The following MGAT4C variants were observed in gnomAD, a reference collection of about 807,000 sequenced individuals.
The protein encoded by MGAT4C is alpha-1,3-mannosyl-glycoprotein 4-beta-N-acetylglucosaminyltransferase C.
Under a neutral mutation model 40.1 loss-of-function variants are expected in MGAT4C, and 19 were observed. That is an observed-to-expected ratio of 0.47 (90% CI 0.33 to 0.70). The LOEUF is 0.70. Ranked by LOEUF, MGAT4C falls within the 30% of genes least tolerant of loss-of-function variation. MGAT4C has a pLI of 0.02. For synonymous variants in MGAT4C, 181 were observed against 187.1 expected, an observed-to-expected ratio of 0.97 and a Z score of 0.27; for missense variants, 491 against 563.2, an observed-to-expected ratio of 0.87 and a Z score of 1.30.
At chr12:86,473,464 A>G (rs994791333) in intron 2 of MGAT4C, among the ~76,000 whole-genome samples, 3 of 152,194 alleles carry the variant, frequency 2.0e-5, no homozygotes, top group African/African-American at 4.8e-5. Context: ...CTAATAGCTA[A>G]AAGTTTACTC....
chr12:86,649,030 G>A (rs1963624331), intron 2 of MGAT4C, among the ~76,000 whole-genome samples: 2 of 151,702 alleles, frequency 1.3e-5, no homozygotes, highest in Admixed American at 6.6e-5. Context: ...AGTAAGCCCT[G>A]CTATATTTAT....
intron 1 of MGAT4C, among the ~76,000 whole-genome samples, chr12:86,077,602 A>G (rs1037198041): frequency 6.6e-6 from 1 of 152,188 alleles, no homozygotes; most frequent in Non-Finnish European, 1.5e-5. Context: ...TCTACTACCC[A>G]TTCTGAATAC....
intron 2 of MGAT4C, among the ~76,000 whole-genome samples, chr12:86,015,205 G>A (rs1192756266): frequency 6.6e-6 from 1 of 151,520 alleles, no homozygotes; most frequent in South Asian, 2.1e-4. Context: ...ATAATAATAA[G>A]GTTGGTGCAA....
At chr12:86,390,745 T>TA (rs145731111) in intron 3 of MGAT4C, among the ~76,000 whole-genome samples, 16,803 of 152,104 alleles carry the variant, frequency 0.11, 1,009 homozygotes, top group Middle Eastern at 0.23. Flanking sequence ...TAATTTGATT[T>TA]AAAAAAATGA....
chr12:86,496,095 T>C (rs940375044), intron 2 of MGAT4C, among the ~76,000 whole-genome samples: 1 of 151,998 alleles, frequency 6.6e-6, no homozygotes, highest in Admixed American at 6.6e-5. Flanking sequence ...ACTTACTGTC[T>C]CGGTGATTGT....
chr12:86,573,669 T>C (rs1960453851), intron 2 of MGAT4C, among the ~76,000 whole-genome samples: 1 of 152,014 alleles, frequency 6.6e-6, no homozygotes, highest in African/African-American at 2.4e-5. Context: ...TGGCAATTAG[T>C]ATGTGTTCAC....
At chr12:86,792,702 C>T (rs763885830) in intron 1 of MGAT4C, among the ~76,000 whole-genome samples, 35 of 152,036 alleles carry the variant, frequency 2.3e-4, no homozygotes, top group Non-Finnish European at 4.3e-4. Context: ...GAGGCCGAGG[C>T]GGGTGGATCA....
intron 1 of MGAT4C, among the ~76,000 whole-genome samples, chr12:86,060,459 T>C (rs1416759694): frequency 6.6e-6 from 1 of 152,144 alleles, no homozygotes; most frequent in Non-Finnish European, 1.5e-5. Context: ...TTTAGTCGTA[T>C]CATGATACAA....
intron 2 of MGAT4C, among the ~76,000 whole-genome samples, chr12:86,561,399 T>G (rs1262050112): frequency 1.3e-5 from 2 of 152,110 alleles, no homozygotes; most frequent in Non-Finnish European, 2.9e-5. Flanking sequence ...CCACCCTCAG[T>G]CTAATCAGCT....
chr12:86,188,045 T>C (rs1888972024), intron 1 of MGAT4C, among the ~76,000 whole-genome samples: 1 of 152,040 alleles, frequency 6.6e-6, no homozygotes, highest in African/African-American at 2.4e-5. Flanking sequence ...TGATGGGCCT[T>C]TGCCTGTCTT....
chr12:86,507,011 A>T (rs924597654), intron 2 of MGAT4C, among the ~76,000 whole-genome samples: 1 of 152,170 alleles, frequency 6.6e-6, no homozygotes, highest in Non-Finnish European at 1.5e-5. Flanking sequence ...GGAGACTGAG[A>T]ATTAGAAGAC....
At chr12:86,266,961 T>C (rs1461635349) in intron 4 of MGAT4C, among the ~76,000 whole-genome samples, 5 of 152,096 alleles carry the variant, frequency 3.3e-5, no homozygotes, top group Non-Finnish European at 5.9e-5. Context: ...TGATCTTTTA[T>C]ATTTCATATC....
chr12:86,674,522 C>G (rs1350272494), intron 2 of MGAT4C, among the ~76,000 whole-genome samples: 1 of 151,842 alleles, frequency 6.6e-6, no homozygotes, highest in Non-Finnish European at 1.5e-5. Flanking sequence ...ATGGTGAAAC[C>G]CCGTCTTTAC....
chr12:86,828,520 G>T (rs1481025458), intron 1 of MGAT4C, among the ~76,000 whole-genome samples: 1 of 151,364 alleles, frequency 6.6e-6, no homozygotes, highest in Non-Finnish European at 1.5e-5. Flanking sequence ...ACATTAGTTG[G>T]TTTTGAAACA....
At chr12:86,826,767 C>T (rs1175989984) in intron 1 of MGAT4C, among the ~76,000 whole-genome samples, 2 of 151,106 alleles carry the variant, frequency 1.3e-5, no homozygotes, top group Non-Finnish European at 3.0e-5. Flanking sequence ...TAGGAATTAG[C>T]GATCTAGTTA....
intron 3 of MGAT4C, among the ~76,000 whole-genome samples, chr12:86,424,549 G>A (rs1956889859): frequency 6.6e-6 from 1 of 152,096 alleles, no homozygotes. Flanking sequence ...CTGAGCAACG[G>A]CTGACTGTTC....
At chr12:86,633,920 T>A (rs1313269189) in intron 2 of MGAT4C, among the ~76,000 whole-genome samples, 1 of 152,088 alleles carries the variant, frequency 6.6e-6, no homozygotes, top group African/African-American at 2.4e-5. Flanking sequence ...CGAGTTTTTT[T>A]TTTATTATCG....
intron 2 of MGAT4C, among the ~76,000 whole-genome samples, chr12:86,634,507 T>G (rs1650849082): frequency 1.3e-5 from 2 of 152,102 alleles, no homozygotes. Context: ...TGCTCAGGGT[T>G]TCACAAGGCA....
At chr12:86,487,991 A>G (rs745730605) in intron 2 of MGAT4C, among the ~76,000 whole-genome samples, 1 of 152,192 alleles carries the variant, frequency 6.6e-6, no homozygotes, top group Non-Finnish European at 1.5e-5. Context: ...GATTGAAACT[A>G]TAAGAGCGTT....
Sources: allele counts gnomAD v4.1 joint callset (sites outside exome capture counted in the v4.1 genomes callset), GRCh38; gene constraint gnomAD v4.1.1; transcripts MANE v1.5; gene names NCBI Gene and HGNC (gene_info 2026-07-23, HGNC 2026-07-21).